The following PDZRN4 variants were observed in gnomAD, a reference collection of about 807,000 sequenced individuals.
The protein encoded by PDZRN4 is PDZ domain-containing RING finger protein 4.
Under a neutral mutation model 99.0 loss-of-function variants are expected in PDZRN4, and 70 were observed. The observed-to-expected ratio is 0.71, with a 90% confidence interval of 0.58 to 0.86. PDZRN4 has a LOEUF of 0.86. PDZRN4 is among the 40% of genes least tolerant of loss of function. The pLI is 0.00. For synonymous variants in PDZRN4, 551 were observed against 501.6 expected (o/e 1.10, Z -1.32); for missense variants, 1,474 against 1,331.2 (o/e 1.11, Z -1.67).
chr12:41,534,955 G>T (rs1434555707), intron 5 of PDZRN4, among the ~76,000 whole-genome samples: 1 of 151,232 alleles, frequency 6.6e-6, no homozygotes, highest in Non-Finnish European at 1.5e-5. Flanking sequence ...AGATAATTCT[G>T]TCTAATCTAC....
intron 3 of PDZRN4, among the ~76,000 whole-genome samples, chr12:41,472,987 A>G (rs569969717): frequency 2.0e-5 from 3 of 152,354 alleles, no homozygotes; most frequent in Admixed American, 1.3e-4. Flanking sequence ...GCCATTATTG[A>G]GCAGCCAGTA....
chr12:41,447,515 A>G (rs186208608), intron 3 of PDZRN4, among the ~76,000 whole-genome samples: 5 of 152,240 alleles, frequency 3.3e-5, no homozygotes, highest in African/African-American at 9.6e-5. Context: ...TGTTTAATTG[A>G]TAAGTCTGAA....
At chr12:41,408,114 T>A (rs1393764590) in intron 3 of PDZRN4, among the ~76,000 whole-genome samples, 1 of 151,906 alleles carries the variant, frequency 6.6e-6, no homozygotes, top group Non-Finnish European at 1.5e-5. Flanking sequence ...TAGAAAAAAA[T>A]GTCAGAAATA....
chr12:41,516,818 G>A (rs1157679466), intron 5 of PDZRN4, among the ~76,000 whole-genome samples: 1 of 151,558 alleles, frequency 6.6e-6, no homozygotes, highest in African/African-American at 2.4e-5. Flanking sequence ...ACATTGTGTG[G>A]TTGTCCTGCT....
chr12:41,317,086 T>A (rs1951644178), intron 3 of PDZRN4, among the ~76,000 whole-genome samples: 1 of 47,036 alleles, frequency 2.1e-5, no homozygotes, highest in Non-Finnish European at 8.9e-5. Context: ...TATATTTGTA[T>A]ATTACATAGA....
chr12:41,322,054 A>G (rs1283558623), intron 3 of PDZRN4, among the ~76,000 whole-genome samples: 1 of 152,008 alleles, frequency 6.6e-6, no homozygotes, highest in African/African-American at 2.4e-5. Context: ...TTGTTTTTTG[A>G]GACAGTCTTG....
chr12:41,513,683 C>T (rs546704244), intron 5 of PDZRN4, among the ~76,000 whole-genome samples: 1 of 152,036 alleles, frequency 6.6e-6, no homozygotes, highest in East Asian at 1.9e-4. Flanking sequence ...ATAAATAGCC[C>T]TTAGCAAGTA....
chr12:41,461,852 T>G (rs984474035), intron 3 of PDZRN4, among the ~76,000 whole-genome samples: 2 of 152,130 alleles, frequency 1.3e-5, no homozygotes, highest in African/African-American at 4.8e-5. Flanking sequence ...ATTGAGTGCA[T>G]GCCTGTCTTT....
chr12:41,241,203 C>T (rs1309272789), intron 3 of PDZRN4, among the ~76,000 whole-genome samples: 1 of 152,114 alleles, frequency 6.6e-6, no homozygotes, highest in Non-Finnish European at 1.5e-5. Context: ...GCAGATTCTC[C>T]AGTGAACATT....
chr12:41,517,060 T>C lies in PDZRN4; in HGVS notation c.1203+7147T>C, dbSNP rs1938412870. Among the ~76,000 whole-genome samples the C allele has an allele frequency of 2.0e-5, 3 of 152,174 alleles. No individual in the cohort carries two copies. In the South Asian group the frequency reaches 6.2e-4, roughly 32 times the overall value. On this transcript the variant is annotated intron_variant, in intron 5 of 9. Transcript: ENST00000402685. ...AGTATTATAATTCTTTCCGATTTCT[T>C]ACTGAACGAAACAAGATTAGTATTG...
intron 2 of PDZRN4, 70 bp downstream of exon 2, chr12:41,191,614 A>G: frequency 1.3e-6 from 1 of 744,602 alleles, no homozygotes; most frequent in East Asian, 2.6e-5. Flanking sequence ...CTCATTGCTT[A>G]TAAAATAATA....
At chr12:41,309,805 A>G (rs1179011541) in intron 3 of PDZRN4, among the ~76,000 whole-genome samples, 1 of 152,214 alleles carries the variant, frequency 6.6e-6, no homozygotes, top group East Asian at 1.9e-4. Flanking sequence ...CACACTAATG[A>G]TCAAATAAAT....
In PDZRN4 at chr12:41,482,798, T is replaced by C. The variant is rs78521507; in HGVS notation, c.844-23658T>C. ...CTAGAATGGGATAGGAGAGTATACC[T>C]AGTGTATAGTGAGAAAGGTAGCAAG... On this transcript the variant is annotated intron_variant, in intron 3 of 9. Coordinates refer to ENST00000402685, the MANE Select transcript of PDZRN4 (RefSeq NM_001164595.2). Among the ~76,000 whole-genome samples the C allele has an allele frequency of 7.2e-3, 1,101 of 152,052 alleles. 10 individuals are homozygous for C. Among genetic ancestry groups the C allele is most frequent in the African/African-American group, 0.025 (1,038 of 41,478 alleles).
intron 3 of PDZRN4, among the ~76,000 whole-genome samples, chr12:41,432,671 T>A (rs967151542): frequency 2.6e-5 from 4 of 152,208 alleles, no homozygotes; most frequent in Non-Finnish European, 5.9e-5. Context: ...GGAGAAGTAA[T>A]TTGTGCCTTC....
At chr12:41,372,124 C>T (rs1021250313) in intron 3 of PDZRN4, among the ~76,000 whole-genome samples, 1 of 148,878 alleles carries the variant, frequency 6.7e-6, no homozygotes, top group African/African-American at 2.4e-5. Flanking sequence ...TAAAGCTATG[C>T]CCTATAAGGG....
At chr12:41,347,576 C>A (rs1050552648) in intron 3 of PDZRN4, among the ~76,000 whole-genome samples, 1 of 152,042 alleles carries the variant, frequency 6.6e-6, no homozygotes, top group Admixed American at 6.6e-5. Context: ...TTGGCAAATA[C>A]TTTTTCTTAT....
intron 3 of PDZRN4, among the ~76,000 whole-genome samples, chr12:41,411,061 A>T (rs951275158): frequency 2.4e-5 from 3 of 123,230 alleles, no homozygotes; most frequent in African/African-American, 3.3e-5. Flanking sequence ...ATATATATAT[A>T]TATATATTTT....
At chr12:41,526,096 G>A (rs926151247) in intron 5 of PDZRN4, among the ~76,000 whole-genome samples, 2 of 152,122 alleles carry the variant, frequency 1.3e-5, no homozygotes, top group Non-Finnish European at 2.9e-5. Flanking sequence ...TTCCTGAGAG[G>A]CTCTTTCTCC....
chr12:41,449,303 C>A (rs1210939416), intron 3 of PDZRN4, among the ~76,000 whole-genome samples: 1 of 152,072 alleles, frequency 6.6e-6, no homozygotes, highest in Admixed American at 6.6e-5. Flanking sequence ...GTACCAAATG[C>A]TATTGTTTTC....
Sources: gnomAD v4.1 joint callset for allele counts (sites outside exome capture counted in the v4.1 genomes callset) on GRCh38, gnomAD v4.1.1 for gene constraint, MANE v1.5 for transcripts, NCBI Gene and HGNC (gene_info 2026-07-23, HGNC 2026-07-21) for gene names.